RABGEF1: variants seen among roughly 807,000 people sequenced by gnomAD.
RABGEF1 encodes rab5 GDP/GTP exchange factor.
In RABGEF1, 26 loss-of-function variants were observed where a neutral mutation model predicts 57.3. The ratio of observed to expected loss-of-function variants is 0.45; its 90% CI spans 0.33 to 0.63. The LOEUF (loss-of-function observed/expected upper bound fraction) is 0.63, where lower values mean the gene tolerates loss of function less well. Ranked by LOEUF, RABGEF1 falls within the 20% of genes least tolerant of loss-of-function variation. The probability of loss-of-function intolerance (pLI) is 0.02; values close to 1 mark genes in which losing one functional copy is unlikely to be tolerated. For synonymous variants in RABGEF1, 185 were observed against 210.7 expected (o/e 0.88, Z 1.06); for missense variants, 464 against 607.6 (o/e 0.76, Z 2.48).
intron 1 of RABGEF1, among the ~76,000 whole-genome samples, chr7:66,695,499 CCATT>C (rs1792188446): frequency 6.6e-6 from 1 of 152,140 alleles, no homozygotes; most frequent in Non-Finnish European, 1.5e-5. Flanking sequence ...GGAGGAGCGA[CCATT>C]CAGTGACAAG....
intron 1 of RABGEF1, among the ~76,000 whole-genome samples, chr7:66,754,193 G>T (rs1205941708): frequency 1.3e-5 from 2 of 151,214 alleles, no homozygotes; most frequent in Admixed American, 6.6e-5. Context: ...TAGTAGAGAC[G>T]GGGTTTCACT....
chr7:66,665,066 G>C, the RABGEF1 span: 3 of 152,242 alleles, frequency 2.0e-5, no homozygotes, highest in Non-Finnish European at 2.9e-5. Flanking sequence ...TATGTCCCGA[G>C]TGCCGGCTTC....
intron 1 of RABGEF1, among the ~76,000 whole-genome samples, chr7:66,767,670 C>A (rs1286351626): frequency 6.6e-6 from 1 of 152,106 alleles, no homozygotes; most frequent in Non-Finnish European, 1.5e-5. Context: ...CTTGTAAGTG[C>A]CCTTATAAGA....
chr7:66,722,701 A>G (rs1212884755), intron 2 of RABGEF1, among the ~76,000 whole-genome samples: 1 of 152,192 alleles, frequency 6.6e-6, no homozygotes, highest in Non-Finnish European at 1.5e-5. Flanking sequence ...TCATTATTAC[A>G]GGTTTGTAGT....
intron 4 of RABGEF1, among the ~76,000 whole-genome samples, 168 bp downstream of exon 4, chr7:66,784,009 A>T (rs572187354): frequency 6.6e-6 from 1 of 152,344 alleles, no homozygotes; most frequent in East Asian, 1.9e-4. Context: ...CCCAACTCTT[A>T]GGCTAGTACT....
At chr7:66,749,587 C>T (rs1800951798) in intron 1 of RABGEF1, among the ~76,000 whole-genome samples, 1 of 151,982 alleles carries the variant, frequency 6.6e-6, no homozygotes, top group Non-Finnish European at 1.5e-5. Flanking sequence ...TGCCGGAGGT[C>T]AGGTATTAGA....
chr7:66,705,443 A>AAGACAAAGAGAG lies in RABGEF1; in HGVS notation c.-872-6721_-872-6720insCAAAGAGAGAGA, dbSNP rs540794271. Among the ~76,000 whole-genome samples, 148 of 66,338 alleles carry AAGACAAAGAGAG rather than the reference A, an allele frequency of 2.2e-3. 3 individuals carry two copies. Among genetic ancestry groups the AAGACAAAGAGAG allele is most frequent in the East Asian group, 0.011 (21 of 1,946 alleles). 43.5% of individuals were successfully genotyped at this position (66,338 alleles called of 152,430 possible). On this transcript the variant is annotated intron_variant and NMD_transcript_variant, in intron 1 of 9. Transcript: ENST00000607882. ...CAGAGCGAAACTCCATCTCGAAAGA[A>AAGACAAAGAGAG]AGAGAGAGAGAGAGAGAGAGAGAGA... is the stretch of plus-strand genomic sequence containing the variant.
chr7:66,777,894 A>G (rs542814845), intron 3 of RABGEF1, among the ~76,000 whole-genome samples: 36 of 152,092 alleles, frequency 2.4e-4, no homozygotes, highest in Non-Finnish European at 4.4e-4. Context: ...CTCATCCCCC[A>G]TCTTTTTGAA....
chr7:66,670,093 G>C, the RABGEF1 span, among the ~76,000 whole-genome samples: 1 of 151,972 alleles, frequency 6.6e-6, no homozygotes. Context: ...TTTCCCCAAG[G>C]GCTTCCTATT....
chr7:66,795,470 T>C (rs1813800948), intron 4 of RABGEF1, 41 bp from the exon 5 acceptor site: 1 of 1,516,024 alleles, frequency 6.6e-7, no homozygotes, highest in South Asian at 1.1e-5. Context: ...GCTTCTGCAC[T>C]TTGTTCAGCT....
intron 1 of RABGEF1, among the ~76,000 whole-genome samples, chr7:66,697,098 G>A (rs979473258): frequency 9.9e-5 from 15 of 152,192 alleles, no homozygotes; most frequent in Non-Finnish European, 2.2e-4. Context: ...CAACCAGGAA[G>A]CACAGTCATG....
At chr7:66,710,412 A>G (rs1794637679) in intron 1 of RABGEF1, among the ~76,000 whole-genome samples, 1 of 152,206 alleles carries the variant, frequency 6.6e-6, no homozygotes, top group Non-Finnish European at 1.5e-5. Flanking sequence ...CAGCAGTGGA[A>G]TGCTGTCATC....
At chr7:66,727,906 T>C (rs1185409176) in intron 2 of RABGEF1, among the ~76,000 whole-genome samples, 1 of 152,242 alleles carries the variant, frequency 6.6e-6, no homozygotes, top group East Asian at 1.9e-4. Context: ...TCTGGAGCCT[T>C]TTGCCACCAT....
intron 1 of RABGEF1, among the ~76,000 whole-genome samples, chr7:66,761,499 G>A (rs1313537894): frequency 1.3e-5 from 2 of 152,244 alleles, no homozygotes; most frequent in African/African-American, 4.8e-5. Context: ...GGAAGGTGCA[G>A]AACTTCCATG....
At chr7:66,772,637 A>C (rs1177657844) in intron 2 of RABGEF1, among the ~76,000 whole-genome samples, 1 of 152,182 alleles carries the variant, frequency 6.6e-6, no homozygotes, top group African/African-American at 2.4e-5. Context: ...GGCCGGGCGC[A>C]GTGGCTCACG....
the RABGEF1 span, among the ~76,000 whole-genome samples, chr7:66,655,557 A>G: frequency 6.6e-6 from 1 of 151,980 alleles, no homozygotes; most frequent in Non-Finnish European, 1.5e-5. Flanking sequence ...ATTTTTTGAG[A>G]TGGGATCTCA....
intron 1 of RABGEF1, among the ~76,000 whole-genome samples, chr7:66,692,921 C>G (rs1791746812): frequency 6.6e-6 from 1 of 151,906 alleles, no homozygotes; most frequent in Non-Finnish European, 1.5e-5. Context: ...AGGGCTGAGG[C>G]AAGGATCATG....
At chr7:66,738,998 T>G (rs1798397925), upstream of RABGEF1, among the ~76,000 whole-genome samples, 1 of 152,126 alleles carries the variant, frequency 6.6e-6, no homozygotes, top group Non-Finnish European at 1.5e-5. Flanking sequence ...TTGCCCAAGC[T>G]GGAGTGCAAT....
At chr7:66,686,397 G>A (rs1437897431) in intron 1 of RABGEF1, among the ~76,000 whole-genome samples, 2 of 152,058 alleles carry the variant, frequency 1.3e-5, no homozygotes, top group East Asian at 1.9e-4. Flanking sequence ...GCTTGAGTCC[G>A]GAAGTTCCAG....
Sources: allele counts gnomAD v4.1 joint callset (sites outside exome capture counted in the v4.1 genomes callset), GRCh38; gene constraint gnomAD v4.1.1; transcripts MANE v1.5; gene names NCBI Gene and HGNC (gene_info 2026-07-23, HGNC 2026-07-21).